NUP37: variants seen among roughly 807,000 people sequenced by gnomAD.
NUP37 encodes the protein nucleoporin Nup37.
Under a neutral mutation model 45.4 loss-of-function variants are expected in NUP37, and 33 were observed. That is an observed-to-expected ratio of 0.73 (90% CI 0.55 to 0.97). NUP37 has a LOEUF of 0.97. NUP37 is among the 50% of genes least tolerant of loss of function. The pLI, the probability that NUP37 is intolerant of heterozygous loss-of-function variation, is 0.00. For missense variants in NUP37, 365 were observed against 389.7 expected, an observed-to-expected ratio of 0.94 and a Z score of 0.53; for synonymous variants, 127 against 130.7, an observed-to-expected ratio of 0.97 and a Z score of 0.19.
chr12:102,110,240 C>T (rs1248555361), intron 3 of NUP37, among the ~76,000 whole-genome samples: 1 of 152,094 alleles, frequency 6.6e-6, no homozygotes, highest in Non-Finnish European at 1.5e-5. Flanking sequence ...TGGCTCATGC[C>T]TGTAATCCTA....
intron 4 of NUP37, 52 bp from the exon 5 acceptor site, chr12:102,099,252 C>T (rs1879903865): frequency 1.6e-6 from 2 of 1,224,566 alleles, no homozygotes; most frequent in East Asian, 2.3e-5. Flanking sequence ...AAATAACCTA[C>T]AATATTCCTA....
intron 8 of NUP37, 41 bp from the exon 9 acceptor site, chr12:102,075,135 T>C (rs758629406): frequency 3.1e-6 from 4 of 1,272,936 alleles, no homozygotes; most frequent in Non-Finnish European, 4.5e-6. Context: ...TCGTATCCTA[T>C]GGATAATGAC....
chr12:102,089,906 T>C (rs960355425), intron 5 of NUP37, among the ~76,000 whole-genome samples: 2 of 152,252 alleles, frequency 1.3e-5, no homozygotes, highest in African/African-American at 4.8e-5. Flanking sequence ...AGAATGCTGC[T>C]GTAAGCCGTC....
intron 7 of NUP37, 133 bp downstream of exon 7, chr12:102,077,189 T>C (rs2136711095): frequency 1.1e-6 from 1 of 883,002 alleles, no homozygotes; most frequent in Non-Finnish European, 1.8e-6. Flanking sequence ...TCCATAGCTC[T>C]GGCCTTCTAT....
At chr12:102,114,836 T>C (rs1594402564) in intron 2 of NUP37, among the ~76,000 whole-genome samples, 2 of 152,230 alleles carry the variant, frequency 1.3e-5, no homozygotes, top group South Asian at 2.1e-4. Context: ...GTTTATTCAA[T>C]TGGGGGATAG....
chr12:102,118,261 C>A, intron 2 of NUP37, 102 bp downstream of exon 2: 18 of 1,033,112 alleles, frequency 1.7e-5, no homozygotes, highest in Non-Finnish European at 1.9e-5. Flanking sequence ...TTTTTTTTAA[C>A]ATTCAAACTC....
intron 2 of NUP37, among the ~76,000 whole-genome samples, chr12:102,116,261 A>C (rs1880459157): frequency 6.6e-6 from 1 of 152,214 alleles, no homozygotes; most frequent in African/African-American, 2.4e-5. Flanking sequence ...TTTCTTAATC[A>C]TAAATGAGAT....
intron 5 of NUP37, among the ~76,000 whole-genome samples, chr12:102,091,204 C>T (rs1407118464): frequency 6.6e-6 from 1 of 151,808 alleles, no homozygotes; most frequent in Non-Finnish European, 1.5e-5. Flanking sequence ...CGAGACCAGC[C>T]TGACCAATAT....
At chr12:102,101,559 C>T (rs975431495) in intron 3 of NUP37, among the ~76,000 whole-genome samples, 1 of 151,966 alleles carries the variant, frequency 6.6e-6, no homozygotes, top group Non-Finnish European at 1.5e-5. Context: ...TCTATTCCTC[C>T]AAATAAATCA....
intron 5 of NUP37, among the ~76,000 whole-genome samples, chr12:102,088,692 TTTTTG>T (rs138199237): frequency 0.037 from 5,570 of 150,640 alleles, 374 homozygotes; most frequent in African/African-American, 0.13. Flanking sequence ...TTTGTTTTTG[TTTTTG>T]TTTTAATTTT....
intron 2 of NUP37, 31 bp downstream of exon 2, chr12:102,118,332 A>C (rs924715032): frequency 3.3e-5 from 52 of 1,586,322 alleles, no homozygotes; most frequent in Non-Finnish European, 4.5e-5. Context: ...AAATATGTTC[A>C]CTGTCATTCG....
chr12:102,110,603 G>A (rs973152742), intron 3 of NUP37, among the ~76,000 whole-genome samples: 3 of 152,074 alleles, frequency 2.0e-5, no homozygotes, highest in Non-Finnish European at 4.4e-5. Flanking sequence ...AGCACTTTGG[G>A]AGGCCAAGGC....
intron 3 of NUP37, among the ~76,000 whole-genome samples, chr12:102,103,963 A>C (rs1175164777): frequency 6.6e-6 from 1 of 152,176 alleles, no homozygotes; most frequent in African/African-American, 2.4e-5. Context: ...CAAGACAAGG[A>C]TGCCCATTTT....
Position 102,112,121 on chromosome 12 carries a change from G to T in NUP37, c.268C>A (p.Pro90Thr). ...TGTTAAACTTACTTGATTACTGGAG[G>T]CAATGAATCAAGTCTAGTCTCTGGG... ...WSPETRLDSL[P>T]PVIKFCTSAA... The change falls in exon 3 of 10, where the codon CCT (proline) becomes ACT (threonine). Residue 90 changes from proline (P) to threonine (T), a missense_variant. Physicochemically the swap from Pro to Thr is conservative, Grantham distance 38. Coordinates refer to ENST00000552283, the MANE Select transcript of NUP37 (RefSeq NM_024057.4). 1 of 1,613,342 alleles carries T rather than the reference G, an allele frequency of 6.2e-7. No individual in the cohort carries two copies. Among genetic ancestry groups the T allele is most frequent in the Non-Finnish European group, 8.5e-7 (1 of 1,179,504 alleles).
chr12:102,105,491 T>C (rs1880114469), intron 3 of NUP37, among the ~76,000 whole-genome samples: 2 of 151,796 alleles, frequency 1.3e-5, no homozygotes, highest in Admixed American at 1.3e-4. Flanking sequence ...TATCATGCCA[T>C]TGCACTCCAG....
intron 3 of NUP37, 69 bp from the exon 4 acceptor site, chr12:102,101,173 C>A (rs893763824): frequency 3.9e-6 from 3 of 764,248 alleles, no homozygotes; most frequent in African/African-American, 3.6e-5. Context: ...CCCTCCCCCC[C>A]ATCCTTCCCT....
At chr12:102,095,887 A>G (rs928573445) in intron 5 of NUP37, among the ~76,000 whole-genome samples, 3 of 152,032 alleles carry the variant, frequency 2.0e-5, no homozygotes, top group Non-Finnish European at 4.4e-5. Context: ...CACTATTTAC[A>G]TTATACTCTA....
At chr12:102,105,713 T>C (rs1216737164) in intron 3 of NUP37, among the ~76,000 whole-genome samples, 5 of 151,574 alleles carry the variant, frequency 3.3e-5, no homozygotes, top group Non-Finnish European at 7.4e-5. Context: ...ACACAAAAAT[T>C]AGCTGGGCAT....
chr12:102,080,036 TATAC>T (rs1024463768), intron 6 of NUP37, among the ~76,000 whole-genome samples: 2 of 152,246 alleles, frequency 1.3e-5, no homozygotes, highest in East Asian at 1.9e-4. Flanking sequence ...AGATCTACTG[TATAC>T]ATACATACAT....
Sources: allele counts gnomAD v4.1 joint callset (sites outside exome capture counted in the v4.1 genomes callset), GRCh38; gene constraint gnomAD v4.1.1; transcripts MANE v1.5; gene names NCBI Gene and HGNC (gene_info 2026-07-23, HGNC 2026-07-21).